GSTCD: variants seen among roughly 807,000 people sequenced by gnomAD.
GSTCD encodes glutathione S-transferase C-terminal domain-containing protein.
A neutral mutation model predicts 68.3 loss-of-function variants in GSTCD; 44 were observed. The observed-to-expected ratio is 0.64, with a 90% confidence interval of 0.51 to 0.83. GSTCD has a LOEUF of 0.83. Ranked by LOEUF, GSTCD falls within the 40% of genes least tolerant of loss-of-function variation. The probability of loss-of-function intolerance (pLI) is 0.00; values close to 1 mark genes in which losing one functional copy is unlikely to be tolerated. For synonymous variants in GSTCD, 273 were observed against 255.2 expected, an observed-to-expected ratio of 1.07 and a Z score of -0.67; for missense variants, 739 against 735.9, an observed-to-expected ratio of 1.00 and a Z score of -0.05.
chr4:105,797,795 G>A (rs34654164), intron 5 of GSTCD, among the ~76,000 whole-genome samples: 1 of 91,058 alleles, frequency 1.1e-5, no homozygotes, highest in Non-Finnish European at 2.0e-5. Flanking sequence ...TTTTTTTTGA[G>A]ACAGAGTCTT....
chr4:105,841,134 T>G (rs776048140), intron 10 of GSTCD, among the ~76,000 whole-genome samples: 1 of 151,902 alleles, frequency 6.6e-6, no homozygotes, highest in East Asian at 1.9e-4. Flanking sequence ...GCCAACATGG[T>G]GAAACCCTGT....
At chr4:105,727,183 A>G (rs998141573) in intron 4 of GSTCD, among the ~76,000 whole-genome samples, 3 of 151,512 alleles carry the variant, frequency 2.0e-5, no homozygotes, top group African/African-American at 7.3e-5. Flanking sequence ...TCTGTTGTAA[A>G]GTTTTGGTCT....
intron 5 of GSTCD, among the ~76,000 whole-genome samples, chr4:105,765,659 A>C (rs1387753870): frequency 6.6e-6 from 1 of 152,106 alleles, no homozygotes. Context: ...CTGTGTCCCC[A>C]CCCAAATCTC....
intron 5 of GSTCD, among the ~76,000 whole-genome samples, chr4:105,790,225 T>A (rs1735611483): frequency 6.6e-6 from 1 of 152,110 alleles, no homozygotes; most frequent in South Asian, 2.1e-4. Context: ...GTTAGTTGGA[T>A]GCTTCTACAA....
chr4:105,825,100 ATTGG>A (rs35367925), intron 7 of GSTCD, among the ~76,000 whole-genome samples: 8,361 of 149,784 alleles, frequency 0.056, 269 homozygotes, highest in Middle Eastern at 0.14. Context: ...TGGTTGGTTG[ATTGG>A]TTGGTTGGTT....
intron 8 of GSTCD, among the ~76,000 whole-genome samples, chr4:105,832,256 GT>G (rs567688553): frequency 3.3e-5 from 5 of 150,404 alleles, no homozygotes; most frequent in Middle Eastern, 6.9e-3. Flanking sequence ...ATATCCAATG[GT>G]TTTTTTTTGG....
chr4:105,719,447 C>T lies in GSTCD; in HGVS notation c.814C>T (p.Pro272Ser), dbSNP rs375032398. The T allele has an allele frequency of 8.1e-6, 13 of 1,614,072 alleles. No individual in the cohort carries two copies. The highest frequency in any genetic ancestry group is 1.1e-5 in the South Asian group (1 of 91,078). Residue 272 changes from proline (P) to serine (S), a missense_variant, in exon 3 of 12, where the codon CCT becomes TCT. By Grantham distance (74) the Pro-to-Ser change is moderately conservative (BLOSUM62 -1). Transcript: ENST00000515279. ...IRKAKASDLP[P>S]LEHVFAEGLY... ...AAAAGCAAAAGCCTCCGACCTTCCA[C>T]CTCTGGAGCATGTGTTTGCAGAAGG...
chr4:105,729,499 G>A lies in GSTCD; in HGVS notation c.1240G>A (p.Gly414Ser), dbSNP rs1733157023. 1.9e-6 allele frequency: 3 copies of A among 1,604,510 alleles called. No individual in the cohort carries two copies. Among genetic ancestry groups the A allele is most frequent in the Non-Finnish European group, 1.7e-6 (2 of 1,173,574 alleles). The change falls in exon 5 of 12, where the codon GGT becomes AGT. Residue 414 changes from glycine to serine, a missense_variant and splice_region_variant. Gly to Ser is a moderately conservative substitution (Grantham distance 56, BLOSUM62 0). Coordinates refer to ENST00000515279, the MANE Select transcript of GSTCD (RefSeq NM_001370181.1). ...CCCTGCAGCAGTCAGCCCAAAGGAA[G>A]GTGAGTTTTCTTTTTTCTTTAAGTT... Reference protein sequence around the residue: ...VLPAAVSPKEGKMSSDRALRK... With the variant: ...VLPAAVSPKESKMSSDRALRK...
At chr4:105,834,895 G>A (rs1212495383) in intron 9 of GSTCD, among the ~76,000 whole-genome samples, 5 of 152,164 alleles carry the variant, frequency 3.3e-5, no homozygotes, top group Admixed American at 6.5e-5. Flanking sequence ...AACTGTAACC[G>A]TACATAATGT....
chr4:105,808,612 A>T (rs1350951122), intron 5 of GSTCD, among the ~76,000 whole-genome samples: 1 of 152,114 alleles, frequency 6.6e-6, no homozygotes, highest in African/African-American at 2.4e-5. Context: ...GCCCCTGGCT[A>T]CTTCTTTGAT....
chr4:105,772,734 T>G (rs1734902963), intron 5 of GSTCD, among the ~76,000 whole-genome samples: 2 of 152,208 alleles, frequency 1.3e-5, no homozygotes, highest in African/African-American at 4.8e-5. Context: ...ATAAGCTTTT[T>G]GATGTGCTAC....
At chr4:105,742,442 G>T (rs528959069) in intron 5 of GSTCD, among the ~76,000 whole-genome samples, 1 of 152,076 alleles carries the variant, frequency 6.6e-6, no homozygotes, top group East Asian at 1.9e-4. Context: ...GAGTCAACCT[G>T]CCTGAAATTT....
chr4:105,714,865 G>A (rs1443885088), intron 1 of GSTCD, among the ~76,000 whole-genome samples: 2 of 152,098 alleles, frequency 1.3e-5, no homozygotes, highest in Non-Finnish European at 2.9e-5. Context: ...TATAGAATAT[G>A]TCTAAAATCC....
At chr4:105,796,181 T>C (rs1735879521) in intron 5 of GSTCD, among the ~76,000 whole-genome samples, 1 of 152,162 alleles carries the variant, frequency 6.6e-6, no homozygotes, top group South Asian at 2.1e-4. Flanking sequence ...AGTCGTGTCT[T>C]ACATGGATAG....
intron 5 of GSTCD, among the ~76,000 whole-genome samples, chr4:105,750,476 A>G (rs1325480135): frequency 1.3e-4 from 19 of 151,726 alleles, no homozygotes; most frequent in South Asian, 2.1e-4. Flanking sequence ...AAAAAAAAAA[A>G]AAAGAAAAGT....
chr4:105,768,737 G>C (rs965754320), intron 5 of GSTCD, among the ~76,000 whole-genome samples: 1 of 151,538 alleles, frequency 6.6e-6, no homozygotes, highest in Non-Finnish European at 1.5e-5. Flanking sequence ...TGTTAACGTG[G>C]TTAATTTAAG....
In GSTCD at chr4:105,726,609, C is replaced by A; in HGVS notation, c.925C>A (p.Leu309Met). ...VIISRKFSEK[L>M]VEFPLLASWY... ...TATCAGCAGGAAATTTTCTGAGAAG[C>A]TGGTAGAATTTCCATTGCTAGCCTC... is the stretch of plus-strand genomic sequence containing the variant. The change falls in exon 4 of 12, where the codon CTG (leucine) becomes ATG (methionine). Residue 309 changes from leucine to methionine, a missense_variant. Coordinates refer to ENST00000515279, the MANE Select transcript of GSTCD (RefSeq NM_001370181.1). The A allele has an allele frequency of 6.2e-7, 1 of 1,605,450 alleles. No homozygotes were observed. Among genetic ancestry groups the A allele is most frequent in the Non-Finnish European group, 8.5e-7 (1 of 1,175,002 alleles).
chr4:105,712,756 AAG>A (rs1330918095), intron 1 of GSTCD, among the ~76,000 whole-genome samples: 4 of 152,198 alleles, frequency 2.6e-5, no homozygotes, highest in Non-Finnish European at 5.9e-5. Context: ...GAGAGAAAAA[AAG>A]AAGTTGAGTG....
intron 2 of GSTCD, 49 bp from the exon 3 acceptor site, chr4:105,719,011 A>T: frequency 7.2e-7 from 1 of 1,388,874 alleles, no homozygotes; most frequent in Non-Finnish European, 9.9e-7. Context: ...CTAAAGTTAT[A>T]TTGAAATTAA....
Sources: allele counts gnomAD v4.1 joint callset (sites outside exome capture counted in the v4.1 genomes callset), GRCh38; gene constraint gnomAD v4.1.1; transcripts MANE v1.5; gene names NCBI Gene and HGNC (gene_info 2026-07-23, HGNC 2026-07-21).